Variants in CGNL1 observed in about 807,000 individuals in gnomAD.
The protein encoded by CGNL1 is cingulin like 1, also known as cingulin-like protein 1.
CGNL1 carries 132 observed loss-of-function variants against 141.2 expected under a neutral mutation model. That is an observed-to-expected ratio of 0.93 (90% CI 0.81 to 1.08). The LOEUF is 1.08. Ranked by LOEUF, CGNL1 falls within the 50% of genes least tolerant of loss-of-function variation. The probability of loss-of-function intolerance (pLI) is 0.00; values close to 1 mark genes in which losing one functional copy is unlikely to be tolerated. For missense variants in CGNL1, 1,870 were observed against 1,588.6 expected, an observed-to-expected ratio of 1.18 and a Z score of -3.01; for synonymous variants, 690 against 622.1, an observed-to-expected ratio of 1.11 and a Z score of -1.63.
chr15:57,385,737 A>G (rs75570961), intron 1 of CGNL1, among the ~76,000 whole-genome samples: 3,370 of 152,248 alleles, frequency 0.022, 73 homozygotes, highest in African/African-American at 0.047. Flanking sequence ...GGTCCCCCCA[A>G]CCTCCCCACC....
At chr15:57,525,200 A>G (rs571313919) in intron 12 of CGNL1, among the ~76,000 whole-genome samples, 1 of 152,376 alleles carries the variant, frequency 6.6e-6, no homozygotes, top group East Asian at 1.9e-4. Flanking sequence ...CACAACAACA[A>G]TAATGGCGAG....
At chr15:57,491,944 G>A (rs1166360806) in intron 8 of CGNL1, among the ~76,000 whole-genome samples, 3 of 152,194 alleles carry the variant, frequency 2.0e-5, no homozygotes, top group Admixed American at 2.0e-4. Context: ...GGGAAAGTCT[G>A]AGGAGCTGTC....
intron 12 of CGNL1, among the ~76,000 whole-genome samples, chr15:57,526,613 T>G (rs1415893196): frequency 1.3e-5 from 2 of 152,160 alleles, no homozygotes; most frequent in African/African-American, 4.8e-5. Flanking sequence ...CGAGACTTAG[T>G]GATTACCATT....
intron 8 of CGNL1, among the ~76,000 whole-genome samples, chr15:57,488,747 C>T (rs530763675): frequency 1.3e-5 from 2 of 152,336 alleles, no homozygotes; most frequent in South Asian, 2.1e-4. Flanking sequence ...TAAACAGGCC[C>T]TTAAGAACAT....
chr15:57,521,003 G>A (rs1443801451), intron 10 of CGNL1, among the ~76,000 whole-genome samples: 1 of 152,094 alleles, frequency 6.6e-6, no homozygotes, highest in African/African-American at 2.4e-5. Context: ...ACATCTACCC[G>A]TGTTGCGCCT....
chr15:57,479,481 C>G (rs12441608), intron 8 of CGNL1, among the ~76,000 whole-genome samples: 1 of 151,786 alleles, frequency 6.6e-6, no homozygotes, highest in Non-Finnish European at 1.5e-5. Context: ...CTGGCCAACA[C>G]TGTGAAACCC....
At chr15:57,501,396 T>C (rs7174171) in intron 8 of CGNL1, among the ~76,000 whole-genome samples, 7,669 of 152,292 alleles carry the variant, frequency 0.05, 637 homozygotes, top group African/African-American at 0.16. Flanking sequence ...AGCACATAGC[T>C]GGTGTCTGGC....
chr15:57,447,897 CA>C (rs2063276359), intron 4 of CGNL1, among the ~76,000 whole-genome samples: 1 of 151,506 alleles, frequency 6.6e-6, no homozygotes, highest in South Asian at 2.1e-4. Flanking sequence ...ATTGACCTTT[CA>C]AATTCATTAG....
chr15:57,483,419 G>C (rs2063750459), intron 8 of CGNL1, among the ~76,000 whole-genome samples: 1 of 149,754 alleles, frequency 6.7e-6, no homozygotes, highest in Admixed American at 6.6e-5. Context: ...TTTTATATCA[G>C]GACCTTTATT....
chr15:57,543,952 TG>T (rs2032710517), intron 15 of CGNL1, among the ~76,000 whole-genome samples, 173 bp downstream of exon 15: 1 of 152,164 alleles, frequency 6.6e-6, no homozygotes, highest in Non-Finnish European at 1.5e-5. Flanking sequence ...GAAATCTGCA[TG>T]GAAGCTTGGC....
chr15:57,414,532 A>T (rs1431721761), intron 1 of CGNL1, among the ~76,000 whole-genome samples: 1 of 152,136 alleles, frequency 6.6e-6, no homozygotes, highest in Non-Finnish European at 1.5e-5. Context: ...GTTCAAGGGG[A>T]GTCTGCAGTG....
At chr15:57,516,077 T>G (rs1045980052) in intron 8 of CGNL1, among the ~76,000 whole-genome samples, 1 of 143,058 alleles carries the variant, frequency 7.0e-6, no homozygotes, top group Non-Finnish European at 1.5e-5. Context: ...GAGAATGGTG[T>G]GAACCCAGGA....
intron 1 of CGNL1, among the ~76,000 whole-genome samples, chr15:57,412,361 C>T (rs1473402005): frequency 1.3e-5 from 2 of 152,212 alleles, no homozygotes; most frequent in Non-Finnish European, 2.9e-5. Flanking sequence ...TCTTTGGTGG[C>T]TCTGCATCCT....
At chr15:57,481,804 G>T (rs761712750) in intron 8 of CGNL1, among the ~76,000 whole-genome samples, 1 of 152,054 alleles carries the variant, frequency 6.6e-6, no homozygotes, top group African/African-American at 2.4e-5. Context: ...AGGATGAATG[G>T]TAATTACATG....
Position 57,437,619 on chromosome 15 carries a change from C to CAAAAAAAAAAAAAAAAAAAAAAAAAA in CGNL1, c.-15-361_-15-336dup, listed in dbSNP as rs540499763. On this transcript the variant is annotated intron_variant, in intron 1 of 18. Coordinates refer to ENST00000281282, the MANE Select transcript of CGNL1 (RefSeq NM_032866.5). ...AAGTTTCAGGAAACCAACTAAACAG[C>CAAAAAAAAAAAAAAAAAAAAAAAAAA]AAAAAAAAAAAAAAAAAAAAAAAAA... Among the ~76,000 whole-genome samples the CAAAAAAAAAAAAAAAAAAAAAAAAAA allele has an allele frequency of 2.2e-4, 8 of 36,082 alleles. 1 individual carries two copies. Among genetic ancestry groups the CAAAAAAAAAAAAAAAAAAAAAAAAAA allele is most frequent in the Non-Finnish European group, 3.2e-4 (6 of 18,506 alleles). The allele number at this position is 36,082 out of a possible 152,430, so 23.7% of individuals were successfully genotyped here.
Position 57,452,065 on chromosome 15 carries a change from T to C in CGNL1, c.1906-76T>C, listed in dbSNP as rs1212051678. 5.3e-6 allele frequency: 7 copies of C among 1,316,518 alleles called. No individual in the cohort carries two copies. In the Admixed American group the frequency reaches 1.7e-4, roughly 31 times the overall value. The allele number at this position is 1,316,518 out of a possible 1,614,324, so 81.6% of individuals were successfully genotyped here. A position where few individuals can be genotyped will look rare whatever the true frequency, so the allele number is the denominator to read the frequency against. On this transcript the variant is annotated intron_variant, in intron 5 of 18. Coordinates refer to ENST00000281282, the MANE Select transcript of CGNL1 (RefSeq NM_032866.5). Reference sequence around the variant, plus strand: ...TAAGTGCAAAGATATGGAGTCTGCTTGTTGAGAAGTAGGCTTCTGTGGGGT... The same window carrying C: ...TAAGTGCAAAGATATGGAGTCTGCTCGTTGAGAAGTAGGCTTCTGTGGGGT...
At chr15:57,378,680 G>A (rs564671699) in intron 1 of CGNL1, among the ~76,000 whole-genome samples, 3 of 152,156 alleles carry the variant, frequency 2.0e-5, no homozygotes, top group South Asian at 2.1e-4. Flanking sequence ...ACCGTGCCCC[G>A]CCTGTATTTT....
chr15:57,421,773 G>A (rs1321209557), intron 1 of CGNL1, among the ~76,000 whole-genome samples: 2 of 152,054 alleles, frequency 1.3e-5, no homozygotes, highest in Admixed American at 6.5e-5. Flanking sequence ...CAGGCGTCGT[G>A]TGCTCCTGTG....
At chr15:57,462,886 A>C (rs562613352) in intron 8 of CGNL1, among the ~76,000 whole-genome samples, 1 of 151,918 alleles carries the variant, frequency 6.6e-6, no homozygotes, top group South Asian at 2.1e-4. Context: ...TTTTTTTTAG[A>C]TTTGACTGAA....
Sources: allele counts gnomAD v4.1 joint callset (sites outside exome capture counted in the v4.1 genomes callset), GRCh38; gene constraint gnomAD v4.1.1; transcripts MANE v1.5; gene names NCBI Gene and HGNC (gene_info 2026-07-23, HGNC 2026-07-21).